TDRD3: variants seen among roughly 807,000 people sequenced by gnomAD.
TDRD3 encodes the protein tudor domain-containing protein 3.
TDRD3 carries 45 observed loss-of-function variants against 86.7 expected under a neutral mutation model. The observed-to-expected ratio is 0.52, with a 90% confidence interval of 0.41 to 0.67. The LOEUF is 0.67. Among genes scored for constraint, TDRD3 ranks in the 30% least tolerant of loss-of-function variants. TDRD3 has a pLI of 0.00. For synonymous variants in TDRD3, 298 were observed against 301.7 expected (o/e 0.99, Z 0.13); for missense variants, 814 against 889.0 (o/e 0.92, Z 1.07).
intron 1 of TDRD3, among the ~76,000 whole-genome samples, chr13:60,433,777 C>T (rs528096221): frequency 5.4e-4 from 82 of 152,324 alleles, no homozygotes; most frequent in African/African-American, 1.9e-3. Context: ...GACATGGCTG[C>T]CCCCTTTAGC....
chr13:60,441,207 T>G (rs1392368963), intron 2 of TDRD3, among the ~76,000 whole-genome samples: 2 of 152,162 alleles, frequency 1.3e-5, no homozygotes, highest in Non-Finnish European at 2.9e-5. Flanking sequence ...CTTAAAAATA[T>G]TATAAAGGAC....
chr13:60,413,284 G>A (rs1954409003), intron 1 of TDRD3, among the ~76,000 whole-genome samples: 1 of 152,108 alleles, frequency 6.6e-6, no homozygotes, highest in Non-Finnish European at 1.5e-5. Context: ...GAAAAAAATA[G>A]TTACAAAAAC....
rs1302721623 is a variant in TDRD3, at chr13:60,441,490, G to GA, written c.126+1726dup. Among the ~76,000 whole-genome samples, 6 of 151,066 alleles carry GA rather than the reference G, an allele frequency of 4.0e-5. No individual in the cohort carries two copies. The East Asian group carries it at 9.7e-4, about 24-fold the overall frequency. On this transcript the variant is annotated intron_variant, in intron 2 of 13. Coordinates refer to ENST00000377881, the MANE Select transcript of TDRD3 (RefSeq NM_001146070.2). ...CCAAAGCTATGATGCCATATGATAG[G>GA]AAAAAAAACCATTTTGATTAGGGTG... is the stretch of plus-strand genomic sequence containing the variant.
intron 13 of TDRD3, 59 bp downstream of exon 13, chr13:60,567,709 A>C: frequency 1.9e-6 from 3 of 1,587,548 alleles, no homozygotes. Flanking sequence ...CATGTTAAGC[A>C]TATAAGTCCA....
At chr13:60,452,434 T>A (rs1310394355) in intron 3 of TDRD3, among the ~76,000 whole-genome samples, 2 of 152,110 alleles carry the variant, frequency 1.3e-5, no homozygotes, top group Non-Finnish European at 2.9e-5. Flanking sequence ...ATTCCAGATA[T>A]AATTTTTAAA....
chr13:60,477,645 G>A (rs930414238), intron 5 of TDRD3, among the ~76,000 whole-genome samples: 1 of 152,102 alleles, frequency 6.6e-6, no homozygotes, highest in Non-Finnish European at 1.5e-5. Flanking sequence ...AGTTTTTGTT[G>A]TTAATTCTGT....
intron 3 of TDRD3, among the ~76,000 whole-genome samples, chr13:60,450,479 T>G (rs1045275884): frequency 3.3e-5 from 5 of 152,208 alleles, no homozygotes; most frequent in Admixed American, 3.3e-4. Context: ...TACTTTATCC[T>G]CTGTCCTTAA....
At chr13:60,397,873 G>A (rs993522503) in intron 1 of TDRD3, among the ~76,000 whole-genome samples, 1 of 152,058 alleles carries the variant, frequency 6.6e-6, no homozygotes, top group Non-Finnish European at 1.5e-5. Context: ...AGGAAGTTGA[G>A]GGCAGAGCAG....
intron 12 of TDRD3, among the ~76,000 whole-genome samples, chr13:60,556,105 CAAA>C (rs770265930): frequency 2.6e-5 from 4 of 152,160 alleles, no homozygotes; most frequent in South Asian, 2.1e-4. Flanking sequence ...CTCGGCCTCC[CAAA>C]GTGCTGGGAT....
At chr13:60,484,268 A>G (rs1340042870) in intron 6 of TDRD3, among the ~76,000 whole-genome samples, 1 of 152,152 alleles carries the variant, frequency 6.6e-6, no homozygotes, top group Non-Finnish European at 1.5e-5. Flanking sequence ...TCTGACCAGT[A>G]TCTTGTGACT....
intron 1 of TDRD3, among the ~76,000 whole-genome samples, chr13:60,406,812 A>G (rs1954245751): frequency 6.6e-6 from 1 of 152,200 alleles, no homozygotes; most frequent in Non-Finnish European, 1.5e-5. Context: ...GATATCTGAA[A>G]GTCTTTTAAA....
intron 1 of TDRD3, among the ~76,000 whole-genome samples, chr13:60,397,750 C>A (rs868289735): frequency 6.6e-6 from 1 of 151,714 alleles, no homozygotes; most frequent in East Asian, 1.9e-4. Flanking sequence ...CCTGCAGCGC[C>A]GTCCGCGCGG....
intron 2 of TDRD3, 90 bp downstream of exon 2, chr13:60,439,862 A>C (rs1050911414): frequency 2.7e-6 from 2 of 735,746 alleles, no homozygotes; most frequent in Admixed American, 3.6e-5. Flanking sequence ...ATATGATAAC[A>C]AATATAGAGA....
chr13:60,489,007 C>G (rs2137531873), intron 7 of TDRD3, among the ~76,000 whole-genome samples: 1 of 152,206 alleles, frequency 6.6e-6, no homozygotes, highest in Non-Finnish European at 1.5e-5. Flanking sequence ...TGTAGGTTGT[C>G]TCTTCACTCT....
At position 60,461,922 on chromosome 13, in the gene TDRD3, AG is replaced by A. The variant is rs1478904391; in HGVS notation, c.353+1384del. On this transcript the variant is annotated intron_variant, in intron 4 of 13. Transcript: ENST00000377881. ...TGAGAAGTTACATTTGGTGGAGCTT[AG>A]GTGATTTAGAACAGTGGGTATGCGA... Among the ~76,000 whole-genome samples, 5 of 152,148 alleles carry A rather than the reference AG, an allele frequency of 3.3e-5. No individual in the cohort carries two copies. The East Asian group carries it at 9.7e-4, about 29-fold the overall frequency.
chr13:60,434,068 G>C (rs528401816), intron 1 of TDRD3: 1 of 152,230 alleles, frequency 6.6e-6, no homozygotes, highest in South Asian at 2.1e-4. Flanking sequence ...AGTGACTTCT[G>C]AACACGACGT....
intron 12 of TDRD3, among the ~76,000 whole-genome samples, chr13:60,559,758 G>T (rs1439019074): frequency 6.6e-6 from 1 of 152,116 alleles, no homozygotes; most frequent in African/African-American, 2.4e-5. Context: ...AGGAGATGTT[G>T]GTCAAAGGTT....
rs1189240979 is a variant in TDRD3 at position 60,397,289 on chromosome 13, G to GC, written c.-76_-75insC. Reference sequence around the variant, plus strand: ...TTTCTTTTCTTTTTTTTTTTTTAAGGGGGGGGGTCTCAAGTAGGAGGCCTC... The same window carrying GC: ...TTTCTTTTCTTTTTTTTTTTTTAAGGCGGGGGGGTCTCAAGTAGGAGGCCTC... On this transcript the variant is annotated 5_prime_UTR_variant, in exon 1 of 14. It introduces an in-frame stop codon into an upstream open reading frame of the 5' UTR. Coordinates refer to ENST00000377881, the MANE Select transcript of TDRD3 (RefSeq NM_001146070.2). 5.5e-4 allele frequency: 424 copies of GC among 770,888 alleles called. 5 individuals carry two copies. Among genetic ancestry groups the GC allele is most frequent in the Admixed American group, 8.7e-4 (25 of 28,634 alleles). 47.8% of individuals were successfully genotyped at this position (770,888 alleles called of 1,614,324 possible).
At chr13:60,462,070 G>A (rs1362099773) in intron 4 of TDRD3, among the ~76,000 whole-genome samples, 5 of 152,146 alleles carry the variant, frequency 3.3e-5, no homozygotes, top group East Asian at 3.8e-4. Context: ...TATGTTTGTC[G>A]AAAATGTTGA....
Sources: allele counts gnomAD v4.1 joint callset (sites outside exome capture counted in the v4.1 genomes callset), GRCh38; gene constraint gnomAD v4.1.1; transcripts MANE v1.5; gene names NCBI Gene and HGNC (gene_info 2026-07-23, HGNC 2026-07-21).